The following PCDH11X variants were observed in gnomAD, a reference collection of about 807,000 sequenced individuals.
PCDH11X encodes protocadherin 11 X-linked.
PCDH11X carries 18 observed loss-of-function variants against 53.3 expected under a neutral mutation model. That is an observed-to-expected ratio of 0.34 (90% CI 0.23 to 0.50). The LOEUF (loss-of-function observed/expected upper bound fraction) is 0.50, where lower values mean the gene tolerates loss of function less well. Among genes scored for constraint, PCDH11X ranks in the 20% least tolerant of loss-of-function variants. PCDH11X has a pLI of 0.98. For missense variants in PCDH11X, 570 were observed against 1,032.4 expected, an observed-to-expected ratio of 0.55 and a Z score of 6.14; for synonymous variants, 279 against 393.3, an observed-to-expected ratio of 0.71 and a Z score of 3.44.
intron 10 of PCDH11X, among the ~76,000 whole-genome samples, chrX:92,471,094 A>T (rs1215828848): frequency 1.0e-5 from 1 of 95,739 alleles, no homozygotes; most frequent in East Asian, 3.0e-4. Flanking sequence ...CTGCTGGAAG[A>T]TATATTTTTT....
At position 91,877,016 on chromosome X, in the gene PCDH11X, C is replaced by T. The variant is rs946173895; in HGVS notation, c.776C>T (p.Pro259Leu). ...GAGACAGAGATTGAAGTCAGTATAC[C>T]AGAAAATGCTCCTGTAGGCACTTCA... ...FKETEIEVSI[P>L]ENAPVGTSVT... The change falls in exon 6 of 11, where the codon CCA (proline) becomes CTA (leucine). Residue 259 changes from proline (P) to leucine (L), a missense_variant. Physicochemically the swap from Pro to Leu is moderately conservative, Grantham distance 98. Around this residue, in one of 6 missense-constraint regions of PCDH11X, gnomAD observed 15 missense variants for 28.4 expected, o/e 0.53. Transcript: ENST00000682573. 22 of 1,202,030 alleles carry T rather than the reference C, an allele frequency of 1.8e-5. No homozygotes were observed. In the Admixed American group the frequency reaches 3.6e-4, roughly 20 times the overall value.
At chrX:92,344,784 TAAAGA>T (rs2069849669) in intron 8 of PCDH11X, among the ~76,000 whole-genome samples, 1 of 107,861 alleles carries the variant, frequency 9.3e-6, no homozygotes, top group African/African-American at 3.4e-5. Context: ...GAATAAGAAA[TAAAGA>T]AAAGGGCCAA....
At chrX:91,842,214 A>G (rs1335508326) in intron 5 of PCDH11X, among the ~76,000 whole-genome samples, 1 of 110,970 alleles carries the variant, frequency 9.0e-6, no homozygotes, top group Non-Finnish European at 1.9e-5. Flanking sequence ...AGCCTAATAG[A>G]CCAAATAAAT....
intron 10 of PCDH11X, among the ~76,000 whole-genome samples, chrX:92,506,216 CTTTTT>C (rs1180678297): frequency 7.5e-5 from 3 of 40,205 alleles, no homozygotes; most frequent in African/African-American, 3.2e-4. Flanking sequence ...CTTTTCTTTT[CTTTTT>C]TTTTTTTTTT....
chrX:92,448,762 C>T lies in PCDH11X; in HGVS notation c.3344-19537C>T, dbSNP rs139335133. Among the ~76,000 whole-genome samples, 897 of 109,997 alleles carry T rather than the reference C, an allele frequency of 8.2e-3. 5 individuals are homozygous for T. The highest frequency in any genetic ancestry group is 0.014 in the Admixed American group (139 of 10,251). On this transcript the variant is annotated intron_variant, in intron 9 of 10. Transcript: ENST00000682573. ...TTAGCTTAATTAACTCTTTACAATT[C>T]GAGAATTTTGGGGAGTCCAAGTTTT...
At chrX:92,107,264 C>T (rs1326059188) in intron 6 of PCDH11X, among the ~76,000 whole-genome samples, 4 of 111,818 alleles carry the variant, frequency 3.6e-5, no homozygotes, top group Non-Finnish European at 7.5e-5. Flanking sequence ...CCTGACCACC[C>T]TGGGCATATT....
intron 10 of PCDH11X, among the ~76,000 whole-genome samples, chrX:92,552,636 T>G (rs2074978731): frequency 9.1e-6 from 1 of 110,459 alleles, no homozygotes; most frequent in Non-Finnish European, 1.9e-5. Flanking sequence ...GACTTTCCAT[T>G]TTTCCCCATT....
intron 5 of PCDH11X, among the ~76,000 whole-genome samples, chrX:91,851,473 T>A (rs1460143739): frequency 2.7e-5 from 3 of 112,009 alleles, no homozygotes; most frequent in Non-Finnish European, 5.6e-5. Flanking sequence ...CTTCCATTTT[T>A]AATTTTTATG....
intron 6 of PCDH11X, among the ~76,000 whole-genome samples, chrX:92,148,042 C>T (rs1433907145): frequency 7.7e-4 from 32 of 41,675 alleles, no homozygotes; most frequent in African/African-American, 5.9e-3. Flanking sequence ...CCTTCTTTCC[C>T]TTCCTTCCTT....
At position 92,552,432 on chromosome X, in the gene PCDH11X, C is replaced by T. The variant is rs557340710; in HGVS notation, c.3368-65832C>T. 4.7e-5 allele frequency among the ~76,000 whole-genome samples: 5 copies of T among 105,408 alleles called. 1 individual carries two copies. The South Asian group carries it at 1.3e-3, about 28-fold the overall frequency. The allele number at this position is 105,408 out of a possible 115,157, so 91.5% of individuals were successfully genotyped here. Reference sequence around the variant, plus strand: ...CCTTGTTCATGAGTTCTAACAGTTTCGTTCGTGCAGTCTTAGGTTTTTCCA... The same window carrying T: ...CCTTGTTCATGAGTTCTAACAGTTTTGTTCGTGCAGTCTTAGGTTTTTCCA... On this transcript the variant is annotated intron_variant, in intron 10 of 10. Transcript: ENST00000682573.
chrX:92,115,577 G>A (rs1470869370), intron 6 of PCDH11X, among the ~76,000 whole-genome samples: 1 of 110,446 alleles, frequency 9.1e-6, no homozygotes, highest in Non-Finnish European at 1.9e-5. Flanking sequence ...GCCAGTAGTG[G>A]CTCATTCCGA....
rs201923679 is a variant in PCDH11X, at chrX:92,126,855, A to T, written c.3034-74520A>T. Among the ~76,000 whole-genome samples the T allele has an allele frequency of 2.8e-4, 18 of 64,041 alleles. No individual in the cohort carries two copies. The Admixed American group carries it at 5.4e-3, about 19-fold the overall frequency. The allele number at this position is 64,041 out of a possible 115,157, so 55.6% of individuals were successfully genotyped here. ...TTCTTACCTTTGTTTGAAATATGTTAAAAAAAAAAAAGTTTCATTGCCAAT... is the reference window on the plus strand; with the variant it reads ...TTCTTACCTTTGTTTGAAATATGTTTAAAAAAAAAAAGTTTCATTGCCAAT... On this transcript the variant is annotated intron_variant, in intron 6 of 10. Coordinates refer to ENST00000682573, the MANE Select transcript of PCDH11X (RefSeq NM_032968.5).
chrX:91,913,977 A>G (rs993807155), intron 6 of PCDH11X, among the ~76,000 whole-genome samples: 1 of 110,573 alleles, frequency 9.0e-6, no homozygotes, highest in Non-Finnish European at 1.9e-5. Context: ...TATTAACAAC[A>G]AAGAGCTCTC....
At chrX:92,295,779 C>A in intron 8 of PCDH11X, among the ~76,000 whole-genome samples, 1 of 85,642 alleles carries the variant, frequency 1.2e-5, no homozygotes, top group East Asian at 3.5e-4. Flanking sequence ...GTGTGTGTGT[C>A]TATTAAAAAG....
chrX:92,041,790 G>A (rs1339391408), intron 6 of PCDH11X, among the ~76,000 whole-genome samples: 23 of 111,154 alleles, frequency 2.1e-4, no homozygotes, highest in African/African-American at 4.6e-4. Context: ...ACAACACGGC[G>A]AAACCCCATC....
rs1336202254 is a variant in PCDH11X at position 92,445,620 on chromosome X, G to A, written c.3344-22679G>A. Among the ~76,000 whole-genome samples the A allele has an allele frequency of 7.3e-5, 8 of 109,353 alleles. No individual in the cohort carries two copies. The East Asian group carries it at 2.3e-3, about 32-fold the overall frequency. 95.0% of individuals were successfully genotyped at this position (109,353 alleles called of 115,157 possible). A position where few individuals can be genotyped will look rare whatever the true frequency, so the allele number is the denominator to read the frequency against. On this transcript the variant is annotated intron_variant, in intron 9 of 10. Transcript: ENST00000682573. ...GCATAAGAAAAGTTTAAAGGAATCA[G>A]GAGAAGTCTAAAACCGATTTTAAAA...
intron 9 of PCDH11X, among the ~76,000 whole-genome samples, chrX:92,441,557 C>A (rs1454229447): frequency 8.9e-6 from 1 of 112,111 alleles, no homozygotes; most frequent in Non-Finnish European, 1.9e-5. Context: ...AATCCCCAAG[C>A]CTTGGTAGCT....
chrX:92,222,904 A>G (rs150355889), intron 7 of PCDH11X, among the ~76,000 whole-genome samples: 77 of 112,442 alleles, frequency 6.8e-4, no homozygotes, highest in Admixed American at 2.6e-3. Flanking sequence ...GTTCACTGAA[A>G]GAAGTGTAAA....
At chrX:92,579,346 A>G (rs948919448) in intron 10 of PCDH11X, among the ~76,000 whole-genome samples, 17 of 108,640 alleles carry the variant, frequency 1.6e-4, no homozygotes, top group Non-Finnish European at 9.5e-5. Context: ...ATGTTTTTCA[A>G]CTTGATTCCA....
Sources: gnomAD v4.1 joint callset for allele counts (sites outside exome capture counted in the v4.1 genomes callset) on GRCh38, gnomAD v4.1.1 for gene constraint, gnomAD v4.1.1 regional missense constraint, MANE v1.5 for transcripts, NCBI Gene and HGNC (gene_info 2026-07-23, HGNC 2026-07-21) for gene names.